GALNT13: variants seen among roughly 807,000 people sequenced by gnomAD.
GALNT13 encodes UDP-GalNAc:polypeptide N-acetylgalactosaminyltransferase 13.
A neutral mutation model predicts 64.2 loss-of-function variants in GALNT13; 28 were observed. That is an observed-to-expected ratio of 0.44 (90% CI 0.32 to 0.60). The LOEUF is 0.60. Among genes scored for constraint, GALNT13 ranks in the 20% least tolerant of loss-of-function variants. GALNT13 has a pLI of 0.05. For missense variants in GALNT13, 577 were observed against 669.8 expected, an observed-to-expected ratio of 0.86 and a Z score of 1.53; for synonymous variants, 214 against 224.6, an observed-to-expected ratio of 0.95 and a Z score of 0.42.
chr2:153,814,303 G>C, the GALNT13 span, among the ~76,000 whole-genome samples: 14 of 152,242 alleles, frequency 9.2e-5, no homozygotes, highest in Admixed American at 7.8e-4. Flanking sequence ...AACTGGGCGC[G>C]GTGGCGGGCG....
At chr2:153,324,118 A>G in the GALNT13 span, among the ~76,000 whole-genome samples, 1 of 152,198 alleles carries the variant, frequency 6.6e-6, no homozygotes, top group Non-Finnish European at 1.5e-5. Flanking sequence ...CTTCTTATCC[A>G]TGAGCATGGA....
At chr2:153,776,749 G>A in the GALNT13 span, among the ~76,000 whole-genome samples, 1 of 152,178 alleles carries the variant, frequency 6.6e-6, no homozygotes, top group South Asian at 2.1e-4. Context: ...GTGCAGCTCT[G>A]ACATTTCAGT....
the GALNT13 span, among the ~76,000 whole-genome samples, chr2:153,198,851 T>C: frequency 2.5e-3 from 379 of 152,318 alleles, no homozygotes; most frequent in Non-Finnish European, 4.1e-3. Flanking sequence ...TTGAGCAACA[T>C]TGCCCTTTGA....
chr2:153,111,631 A>G, the GALNT13 span, among the ~76,000 whole-genome samples: 1 of 152,176 alleles, frequency 6.6e-6, no homozygotes, highest in African/African-American at 2.4e-5. Flanking sequence ...CAATTTGGGT[A>G]CAGTCTAGGT....
At chr2:153,304,256 C>A in the GALNT13 span, among the ~76,000 whole-genome samples, 1 of 151,690 alleles carries the variant, frequency 6.6e-6, no homozygotes, top group African/African-American at 2.4e-5. Flanking sequence ...ATGCCTAAGT[C>A]AGCTTCACAT....
At chr2:154,326,078 C>T (rs1694862647) in intron 9 of GALNT13, among the ~76,000 whole-genome samples, 1 of 152,016 alleles carries the variant, frequency 6.6e-6, no homozygotes, top group Non-Finnish European at 1.5e-5. Context: ...AGTCTAAGGC[C>T]CCATTCCAGG....
At chr2:154,226,652 A>G (rs980608376) in intron 4 of GALNT13, among the ~76,000 whole-genome samples, 20 of 152,156 alleles carry the variant, frequency 1.3e-4, no homozygotes, top group Non-Finnish European at 2.5e-4. Flanking sequence ...TTATTTTAGT[A>G]GGTAAAACAA....
the GALNT13 span, among the ~76,000 whole-genome samples, chr2:153,844,340 G>A: frequency 6.6e-6 from 1 of 152,036 alleles, no homozygotes; most frequent in Admixed American, 6.5e-5. Flanking sequence ...CTCTGAAGCT[G>A]AAGTGGCAGT....
intron 3 of GALNT13, among the ~76,000 whole-genome samples, chr2:153,999,403 G>A (rs1369165939): frequency 1.3e-5 from 2 of 151,862 alleles, no homozygotes; most frequent in African/African-American, 4.8e-5. Context: ...AGATCTTAGA[G>A]GAAAAACTAT....
the GALNT13 span, among the ~76,000 whole-genome samples, chr2:153,227,618 A>T: frequency 6.6e-6 from 1 of 152,202 alleles, no homozygotes; most frequent in Admixed American, 6.5e-5. Flanking sequence ...ACAGTAACTA[A>T]TCTGCATCGC....
At chr2:153,483,478 G>T in the GALNT13 span, among the ~76,000 whole-genome samples, 10,740 of 138,504 alleles carry the variant, frequency 0.078, 439 homozygotes, top group Middle Eastern at 0.13. Context: ...GTGCAATGGC[G>T]CAATCTCAGC....
intron 1 of GALNT13, among the ~76,000 whole-genome samples, chr2:153,898,802 A>G (rs1309690206): frequency 2.0e-5 from 3 of 151,744 alleles, no homozygotes; most frequent in Middle Eastern, 3.4e-3. Flanking sequence ...ATTTCAATTG[A>G]CAAAATACAG....
intron 1 of GALNT13, among the ~76,000 whole-genome samples, chr2:153,879,007 CAG>C (rs1408334214): frequency 1.3e-5 from 2 of 152,170 alleles, no homozygotes; most frequent in African/African-American, 2.4e-5. Flanking sequence ...CCCACTGATA[CAG>C]AGTCTCATTT....
chr2:153,638,606 G>A, the GALNT13 span, among the ~76,000 whole-genome samples: 2 of 21,018 alleles, frequency 9.5e-5, 1 homozygote, highest in Non-Finnish European at 2.5e-4. Context: ...AGGAGTGATT[G>A]TGAGTAGGAA....
chr2:153,965,639 T>G (rs1455620144), intron 3 of GALNT13, among the ~76,000 whole-genome samples: 1 of 152,076 alleles, frequency 6.6e-6, no homozygotes, highest in Non-Finnish European at 1.5e-5. Context: ...ATACATAATT[T>G]TATTTGGTAG....
the GALNT13 span, among the ~76,000 whole-genome samples, chr2:153,818,338 C>T: frequency 6.6e-6 from 1 of 152,190 alleles, no homozygotes; most frequent in Non-Finnish European, 1.5e-5. Context: ...GCTGTATCCC[C>T]AATAGAGGCC....
At chr2:153,409,542 A>C in the GALNT13 span, among the ~76,000 whole-genome samples, 1 of 151,888 alleles carries the variant, frequency 6.6e-6, no homozygotes, top group Non-Finnish European at 1.5e-5. Flanking sequence ...AAAGTAAAAG[A>C]GAATTTTTAA....
chr2:153,800,701 T>C, the GALNT13 span, among the ~76,000 whole-genome samples: 9 of 152,326 alleles, frequency 5.9e-5, no homozygotes, highest in East Asian at 1.5e-3. Context: ...TTTCTTTGCT[T>C]ATCCAAAAGA....
At chr2:153,418,644 G>A in the GALNT13 span, among the ~76,000 whole-genome samples, 8 of 152,304 alleles carry the variant, frequency 5.3e-5, no homozygotes, top group African/African-American at 1.9e-4. Context: ...GACCTTGACA[G>A]GAGAAGATTT....
Sources: allele counts gnomAD v4.1 joint callset (sites outside exome capture counted in the v4.1 genomes callset), GRCh38; gene constraint gnomAD v4.1.1; transcripts MANE v1.5; gene names NCBI Gene and HGNC (gene_info 2026-07-23, HGNC 2026-07-21).